ALX4: variants seen among roughly 807,000 people sequenced by gnomAD.
ALX4 encodes the protein ALX homeobox 4, also known as homeobox protein aristaless-like 4.
In ALX4, 22 loss-of-function variants were observed where a neutral mutation model predicts 40.6. The observed-to-expected ratio is 0.54, with a 90% confidence interval of 0.39 to 0.77. The LOEUF (loss-of-function observed/expected upper bound fraction) is 0.77. ALX4 is among the 30% of genes least tolerant of loss of function. The pLI is 0.00. For missense variants in ALX4, 556 were observed against 564.8 expected (o/e 0.98, Z 0.16); for synonymous variants, 266 against 240.5 (o/e 1.11, Z -0.98).
intron 1 of ALX4, among the ~76,000 whole-genome samples, chr11:44,297,652 G>A (rs1956411154): frequency 6.6e-6 from 1 of 152,072 alleles, no homozygotes; most frequent in Non-Finnish European, 1.5e-5. Flanking sequence ...GGAGGCAGAG[G>A]TTGCAGTGAG....
chr11:44,308,019 G>A (rs183762808), intron 1 of ALX4, among the ~76,000 whole-genome samples: 1 of 152,304 alleles, frequency 6.6e-6, no homozygotes, highest in Admixed American at 6.5e-5. Flanking sequence ...CTGAATGCCT[G>A]ATCTCATTCC....
intron 1 of ALX4, among the ~76,000 whole-genome samples, chr11:44,299,362 T>G (rs1258181407): frequency 2.1e-5 from 3 of 146,166 alleles, no homozygotes; most frequent in Non-Finnish European, 4.5e-5. Context: ...TGGTTTTTTT[T>G]TTTTTTTTTT....
At chr11:44,288,670 G>A (rs75608319) in intron 1 of ALX4, among the ~76,000 whole-genome samples, 1,723 of 152,262 alleles carry the variant, frequency 0.011, 43 homozygotes, top group African/African-American at 0.04. Flanking sequence ...CCTCACTCCC[G>A]TGGAAGCCAC....
intron 1 of ALX4, among the ~76,000 whole-genome samples, chr11:44,298,480 C>A (rs1001545256): frequency 1.3e-5 from 2 of 152,168 alleles, no homozygotes; most frequent in African/African-American, 4.8e-5. Flanking sequence ...GGAACCTCAG[C>A]AGCTCTCAGG....
chr11:44,309,782 G>A lies in ALX4; in HGVS notation c.281C>T (p.Pro94Leu). The A allele has an allele frequency of 6.5e-7, 1 of 1,548,550 alleles. No individual in the cohort carries two copies. Among genetic ancestry groups the A allele is most frequent in the Middle Eastern group, 1.9e-4 (1 of 5,334 alleles). ...CGGCGGCTGGGGCTGCGGGGTCGAC[G>A]GCTGGGGCTGGAACTTGTTAAAGGA... ...RGSFNKFQPQ[P>L]STPQPQPPPQ... is the part of the protein sequence containing the mutation. The change falls in exon 1 of 4, where the codon CCG (proline) becomes CTG (leucine). Residue 94 changes from proline (P) to leucine (L), a missense_variant. Physicochemically the swap from Pro to Leu is moderately conservative, Grantham distance 98. Coordinates refer to ENST00000652299, the MANE Select transcript of ALX4 (RefSeq NM_021926.4).
chr11:44,299,649 T>A (rs10838256), intron 1 of ALX4, among the ~76,000 whole-genome samples: 1 of 152,020 alleles, frequency 6.6e-6, no homozygotes, highest in South Asian at 2.1e-4. Flanking sequence ...CATGAGCCAC[T>A]GCACCGTGCC....
In ALX4 at chr11:44,261,235, C is replaced by G. The variant is rs1956180175; in HGVS notation, c.*3619G>C. 6.6e-6 allele frequency: 1 copy of G among 152,378 alleles called. No homozygotes were observed. The allele number at this position is 152,378 out of a possible 1,614,324, so 9.4% of individuals were successfully genotyped here. A position where few individuals can be genotyped will look rare whatever the true frequency, so the allele number is the denominator to read the frequency against. On this transcript the variant is annotated 3_prime_UTR_variant, in exon 4 of 4. Transcript: ENST00000652299. ...AACCCCCGCGTGTCTTTCAGGTTCT[C>G]GAAGATGGCCCCCCACTGTCTAGCC... is the stretch of plus-strand genomic sequence containing the variant.
At chr11:44,304,857 C>G (rs1180574819) in intron 1 of ALX4, among the ~76,000 whole-genome samples, 1 of 152,178 alleles carries the variant, frequency 6.6e-6, no homozygotes, top group Non-Finnish European at 1.5e-5. Context: ...TACTGCGTGC[C>G]GGCGTCGCAG....
intron 3 of ALX4, among the ~76,000 whole-genome samples, chr11:44,265,800 A>G (rs1195373791): frequency 6.6e-6 from 1 of 152,202 alleles, no homozygotes; most frequent in African/African-American, 2.4e-5. Flanking sequence ...GTGGACAGCC[A>G]GATCTGAGAC....
At chr11:44,274,281 G>T (rs887683838) in intron 2 of ALX4, among the ~76,000 whole-genome samples, 1 of 152,134 alleles carries the variant, frequency 6.6e-6, no homozygotes, top group Admixed American at 6.5e-5. Context: ...AGTGTGTCAG[G>T]TTCCATTGTG....
chr11:44,305,456 T>C (rs1190636477), intron 1 of ALX4, among the ~76,000 whole-genome samples: 1 of 152,218 alleles, frequency 6.6e-6, no homozygotes, highest in Admixed American at 6.5e-5. Context: ...CAGGCTTCAG[T>C]CCCAGGCTCG....
chr11:44,281,527 C>G (rs994446367), intron 1 of ALX4, among the ~76,000 whole-genome samples: 18 of 152,128 alleles, frequency 1.2e-4, no homozygotes, highest in African/African-American at 3.6e-4. Flanking sequence ...GGACATGCCG[C>G]TTGCTCTGTT....
intron 1 of ALX4, among the ~76,000 whole-genome samples, chr11:44,288,563 A>T (rs1176651301): frequency 6.6e-6 from 1 of 152,068 alleles, no homozygotes; most frequent in Non-Finnish European, 1.5e-5. Flanking sequence ...CACCACCACC[A>T]TTCATAATTC....
rs756421390 is a variant in ALX4 at position 44,267,516 on chromosome 11, G to C, written c.884C>G (p.Thr295Ser). Residue 295 changes from threonine (T) to serine (S), a missense_variant, in exon 3 of 4, where the codon ACC becomes AGC. Physicochemically the swap from Thr to Ser is moderately conservative, Grantham distance 58. Transcript: ENST00000652299. Reference protein sequence around the residue: ...FSTAYELPLLTRAENYAQIQN... With the variant: ...FSTAYELPLLSRAENYAQIQN... ...TACCTGGGCGTAGTTCTCAGCTCGG[G>C]TGAGGAGGGGCAGCTCATATGCAGT... 6.2e-7 allele frequency: 1 copy of C among 1,614,166 alleles called. No individual in the cohort carries two copies. Among genetic ancestry groups the C allele is most frequent in the South Asian group, 1.1e-5 (1 of 91,076 alleles).
intron 1 of ALX4, among the ~76,000 whole-genome samples, chr11:44,299,004 G>A (rs1956419765): frequency 6.6e-6 from 1 of 152,168 alleles, no homozygotes; most frequent in African/African-American, 2.4e-5. Flanking sequence ...ACTAGCTCCA[G>A]GCTCTGGGGA....
chr11:44,274,101 TTGCACTCCAGCC>T (rs1956263889), intron 2 of ALX4, among the ~76,000 whole-genome samples: 1 of 152,150 alleles, frequency 6.6e-6, no homozygotes, highest in South Asian at 2.1e-4. Context: ...AATCATCTTA[TTGCACTCCAGCC>T]TGGGTGATAG....
chr11:44,279,598 C>A (rs1406215328), intron 1 of ALX4, among the ~76,000 whole-genome samples: 1 of 152,216 alleles, frequency 6.6e-6, no homozygotes, highest in Admixed American at 6.5e-5. Context: ...CTGCTCCTGA[C>A]CAAAGGAAAC....
intron 1 of ALX4, among the ~76,000 whole-genome samples, chr11:44,303,182 C>T (rs1198708502): frequency 6.6e-6 from 1 of 152,202 alleles, no homozygotes; most frequent in Non-Finnish European, 1.5e-5. Flanking sequence ...TGACCTGGGT[C>T]ACCAGGTCCT....
chr11:44,267,729 C>A (rs570539013), intron 2 of ALX4, 107 bp from the exon 3 acceptor site: 14 of 1,510,244 alleles, frequency 9.3e-6, no homozygotes, highest in Non-Finnish European at 1.2e-5. Flanking sequence ...AGTTGCAGTG[C>A]GTTTGGGAAA....
Sources: gnomAD v4.1 joint callset for allele counts (sites outside exome capture counted in the v4.1 genomes callset) on GRCh38, gnomAD v4.1.1 for gene constraint, MANE v1.5 for transcripts, NCBI Gene and HGNC (gene_info 2026-07-23, HGNC 2026-07-21) for gene names.